Variants in DOCK8 observed in about 807,000 individuals in gnomAD.
The protein encoded by DOCK8 is dedicator of cytokinesis 8, also known as dedicator of cytokinesis protein 8.
In DOCK8, 141 loss-of-function variants were observed where a neutral mutation model predicts 245.6. That is an observed-to-expected ratio of 0.57 (90% CI 0.50 to 0.66). The LOEUF is 0.66. Among genes scored for constraint, DOCK8 ranks in the 30% least tolerant of loss-of-function variants. The pLI is 0.00. For synonymous variants in DOCK8, 1,168 were observed against 970.2 expected (o/e 1.20, Z -3.79); for missense variants, 2,965 against 2,603.4 (o/e 1.14, Z -3.02).
At chr9:393,085 C>CAAAAAAAAAAAA (rs1159933739) in intron 24 of DOCK8, among the ~76,000 whole-genome samples, 20 of 44,722 alleles carry the variant, frequency 4.5e-4, no homozygotes, top group East Asian at 1.6e-3. Flanking sequence ...GACCCTGTCT[C>CAAAAAAAAAAAA]AAAAAAAAAA....
At position 350,613 on chromosome 9, in the gene DOCK8, C is replaced by T. The variant is rs537380314; in HGVS notation, c.1679+10292C>T. On this transcript the variant is annotated intron_variant, in intron 14 of 47. Transcript: ENST00000432829. ...TTCATTTTAATAACGAGCCAACCCA[C>T]GGAGGAAGGAATTGATTGATGGCTG... 7.9e-5 allele frequency among the ~76,000 whole-genome samples: 12 copies of T among 152,254 alleles called. 1 individual carries two copies. In the East Asian group the frequency reaches 1.4e-3, roughly 17 times the overall value.
In DOCK8 at chr9:255,034, G is replaced by T. The variant is rs143614141; in HGVS notation, c.54-16593G>T. On this transcript the variant is annotated intron_variant, in intron 1 of 47. Transcript: ENST00000432829. ...AGATTCCAGAACAGGGCCTGCAAGG[G>T]AATTGTTCAAAGTTTGCTCAAGTTA... Among the ~76,000 whole-genome samples, 345 of 152,226 alleles carry T rather than the reference G, an allele frequency of 2.3e-3. 7 individuals carry two copies. Among genetic ancestry groups the T allele is most frequent in the Admixed American group, 0.015 (231 of 15,292 alleles).
At chr9:264,992 C>T (rs558239274) in intron 1 of DOCK8, among the ~76,000 whole-genome samples, 42 of 152,276 alleles carry the variant, frequency 2.8e-4, no homozygotes, top group Admixed American at 2.3e-3. Context: ...AGTGCAATGG[C>T]GTGATCTCAG....
chr9:370,110 C>G, intron 15 of DOCK8, 120 bp from the exon 16 acceptor site: 2 of 874,970 alleles, frequency 2.3e-6, no homozygotes, highest in South Asian at 1.4e-5. Context: ...GCCAACCCAG[C>G]ACTCTTAATT....
At chr9:404,134 G>A (rs1268532297) in intron 26 of DOCK8, among the ~76,000 whole-genome samples, 1 of 151,494 alleles carries the variant, frequency 6.6e-6, no homozygotes, top group Non-Finnish European at 1.5e-5. Context: ...GGAGCTCAAG[G>A]TGCATCAGCG....
At chr9:261,555 T>C (rs1000364367) in intron 1 of DOCK8, among the ~76,000 whole-genome samples, 3 of 152,240 alleles carry the variant, frequency 2.0e-5, no homozygotes, top group Non-Finnish European at 4.4e-5. Context: ...AAATGTTTAA[T>C]GTGTGCAAGA....
At chr9:273,948 C>T (rs553453595) in intron 2 of DOCK8, among the ~76,000 whole-genome samples, 2 of 152,228 alleles carry the variant, frequency 1.3e-5, no homozygotes, top group East Asian at 1.9e-4. Context: ...TCAGGTGATC[C>T]GCCCGCCTAG....
Position 304,719 on chromosome 9 carries a change from C to T in DOCK8, c.528+15C>T. 6.2e-7 allele frequency: 1 copy of T among 1,614,114 alleles called. No individual in the cohort carries two copies. Among genetic ancestry groups the T allele is most frequent in the Non-Finnish European group, 8.5e-7 (1 of 1,180,006 alleles). ...CCGCTGCTCAGGTATTTCCTGTCAA[C>T]AAACATGGTTACCAGGTTACTGGGC... On this transcript the variant is annotated intron_variant, in intron 5 of 47. Transcript: ENST00000432829.
intron 28 of DOCK8, among the ~76,000 whole-genome samples, chr9:414,279 A>G (rs565079955): frequency 8.5e-5 from 13 of 152,368 alleles, no homozygotes; most frequent in African/African-American, 2.6e-4. Flanking sequence ...AGCAGAAACA[A>G]TCCAAATGTT....
At chr9:403,968 A>C (rs1208533432) in intron 26 of DOCK8, among the ~76,000 whole-genome samples, 1 of 72,558 alleles carries the variant, frequency 1.4e-5, no homozygotes, top group Non-Finnish European at 2.3e-5. Context: ...ATGTATATAT[A>C]TATATATGTG....
chr9:325,131 A>G (rs530053614), intron 7 of DOCK8, among the ~76,000 whole-genome samples: 6 of 31,948 alleles, frequency 1.9e-4, no homozygotes, highest in South Asian at 1.2e-3. Context: ...AGTTCCTGCA[A>G]AAGACATTAA....
chr9:225,648 A>G (rs1311012139), intron 1 of DOCK8, among the ~76,000 whole-genome samples: 2 of 152,328 alleles, frequency 1.3e-5, no homozygotes, highest in African/African-American at 2.4e-5. Flanking sequence ...CATGAATAAG[A>G]TAGACAGGGT....
chr9:309,092 C>T (rs920326737), intron 5 of DOCK8, among the ~76,000 whole-genome samples: 1 of 152,174 alleles, frequency 6.6e-6, no homozygotes, highest in Non-Finnish European at 1.5e-5. Context: ...GATGCCCTTG[C>T]CCTCACATTC....
intron 32 of DOCK8, 129 bp downstream of exon 32, chr9:421,207 G>A (rs1029696221): frequency 4.3e-5 from 55 of 1,272,464 alleles, no homozygotes; most frequent in Admixed American, 1.5e-4. Flanking sequence ...CAGAGACAGC[G>A]GATTCTGGGA....
At chr9:355,835 A>G (rs555115943) in intron 14 of DOCK8, among the ~76,000 whole-genome samples, 1 of 152,286 alleles carries the variant, frequency 6.6e-6, no homozygotes, top group Admixed American at 6.5e-5. Context: ...GCAGATCTAC[A>G]TACATATTAT....
chr9:356,134 C>G (rs2026640), intron 14 of DOCK8, among the ~76,000 whole-genome samples: 88,652 of 152,012 alleles, frequency 0.58, 26,714 homozygotes, highest in East Asian at 0.81. Context: ...ACCCTTCAAA[C>G]CACATCCTGG....
intron 14 of DOCK8, chr9:365,466 T>G (rs896905458): frequency 4.4e-5 from 18 of 406,976 alleles, no homozygotes; most frequent in Non-Finnish European, 6.6e-5. Flanking sequence ...CAGAAGTAAG[T>G]CACTTCTCAA....
At chr9:316,165 G>A (rs949640941) in intron 6 of DOCK8, among the ~76,000 whole-genome samples, 4 of 152,174 alleles carry the variant, frequency 2.6e-5, no homozygotes, top group African/African-American at 7.2e-5. Flanking sequence ...TTGCTGTGGG[G>A]TATTCACTGG....
chr9:342,108 G>A (rs1280434134), intron 14 of DOCK8, among the ~76,000 whole-genome samples: 1 of 151,996 alleles, frequency 6.6e-6, no homozygotes, highest in Non-Finnish European at 1.5e-5. Flanking sequence ...GAAATAAAGT[G>A]CACGATAAAT....
Sources: allele counts gnomAD v4.1 joint callset (sites outside exome capture counted in the v4.1 genomes callset), GRCh38; gene constraint gnomAD v4.1.1; transcripts MANE v1.5; gene names NCBI Gene and HGNC (gene_info 2026-07-23, HGNC 2026-07-21).